Variants in MEF2A observed in about 807,000 individuals in gnomAD.
MEF2A encodes the protein myocyte-specific enhancer factor 2A.
In MEF2A, 28 loss-of-function variants were observed where a neutral mutation model predicts 55.8. The observed-to-expected ratio is 0.50, with a 90% CI of 0.37 to 0.69. MEF2A has a LOEUF of 0.69. Among genes scored for constraint, MEF2A ranks in the 30% least tolerant of loss-of-function variants. The pLI is 0.00. For missense variants in MEF2A, 528 were observed against 626.2 expected (o/e 0.84, Z 1.67); for synonymous variants, 239 against 227.1 (o/e 1.05, Z -0.47).
intron 3 of MEF2A, among the ~76,000 whole-genome samples, chr15:99,640,712 C>A (rs2044736211): frequency 6.6e-6 from 1 of 151,886 alleles, no homozygotes; most frequent in Admixed American, 6.6e-5. Context: ...CCATGCCTGG[C>A]TAATTTTTGT....
chr15:99,706,842 T>G lies in MEF2A; in HGVS notation c.996T>G (p.Thr332=). 1 of 1,614,004 alleles carries G rather than the reference T, an allele frequency of 6.2e-7. No individual in the cohort carries two copies. The highest frequency in any genetic ancestry group is 1.7e-5 in the Admixed American group (1 of 60,034). The change falls in exon 10 of 12, where the codon ACT becomes ACG. Residue 332 remains threonine (T), a synonymous_variant. Coordinates refer to ENST00000557942, the MANE Select transcript of MEF2A (RefSeq NM_001319206.4). ...GACTTGTGTACTCAGCAATGCCGACTGCCTACAACACTGGTGAGCCTGCTC... is the reference window on the plus strand; with the variant it reads ...GACTTGTGTACTCAGCAATGCCGACGGCCTACAACACTGGTGAGCCTGCTC... The part of the protein sequence containing the change: ...PQGLVYSAMP[T]AYNTDYSLTS...
intron 2 of MEF2A, among the ~76,000 whole-genome samples, chr15:99,630,267 C>T (rs1289076346): frequency 6.6e-6 from 1 of 151,808 alleles, no homozygotes; most frequent in African/African-American, 2.4e-5. Context: ...TGTAATTTCT[C>T]ATTCTTTTCT....
At chr15:99,615,483 A>C (rs1770921198) in intron 2 of MEF2A, among the ~76,000 whole-genome samples, 1 of 152,236 alleles carries the variant, frequency 6.6e-6, no homozygotes, top group Non-Finnish European at 1.5e-5. Context: ...GCACATGTGC[A>C]GATTACTAGG....
intron 3 of MEF2A, among the ~76,000 whole-genome samples, chr15:99,644,919 G>A (rs1430693183): frequency 1.3e-5 from 2 of 152,090 alleles, no homozygotes; most frequent in Non-Finnish European, 2.9e-5. Flanking sequence ...AAGTAGTGTC[G>A]AAGAGAGAAT....
At chr15:99,645,211 A>T (rs1030348700) in intron 3 of MEF2A, among the ~76,000 whole-genome samples, 1 of 152,174 alleles carries the variant, frequency 6.6e-6, no homozygotes, top group African/African-American at 2.4e-5. Flanking sequence ...CTGATGCTAC[A>T]TTACCTGGCT....
At chr15:99,627,577 A>G (rs1392845195) in intron 2 of MEF2A, among the ~76,000 whole-genome samples, 7 of 152,154 alleles carry the variant, frequency 4.6e-5, no homozygotes, top group Non-Finnish European at 2.9e-5. Flanking sequence ...TCAGTAGTCT[A>G]ACAAACTGGT....
chr15:99,709,270 C>G (rs145956159), intron 10 of MEF2A, among the ~76,000 whole-genome samples: 1 of 152,238 alleles, frequency 6.6e-6, no homozygotes, highest in African/African-American at 2.4e-5. Context: ...AGGATAACAC[C>G]CATGGGCTTC....
chr15:99,597,671 G>A (rs1276579066), intron 1 of MEF2A, among the ~76,000 whole-genome samples: 1 of 152,040 alleles, frequency 6.6e-6, no homozygotes, highest in Non-Finnish European at 1.5e-5. Flanking sequence ...TGTGGCTTGG[G>A]GGGCATCACG....
chr15:99,595,406 A>G (rs1289043665), intron 1 of MEF2A, among the ~76,000 whole-genome samples: 1 of 151,820 alleles, frequency 6.6e-6, no homozygotes, highest in Non-Finnish European at 1.5e-5. Flanking sequence ...CCACCAACCT[A>G]CCACCTATAT....
At chr15:99,706,521 C>T (rs2058057688) in intron 9 of MEF2A, 2 of 541,852 alleles carry the variant, frequency 3.7e-6, no homozygotes, top group South Asian at 2.2e-5. Context: ...CACTAATCAA[C>T]TATTTTAAAA....
At chr15:99,680,208 C>G (rs762177242) in intron 7 of MEF2A, among the ~76,000 whole-genome samples, 1 of 152,116 alleles carries the variant, frequency 6.6e-6, no homozygotes, top group East Asian at 1.9e-4. Flanking sequence ...AAAATCCAAG[C>G]AACAGATAGG....
At chr15:99,693,513 A>G (rs1053322210) in intron 8 of MEF2A, among the ~76,000 whole-genome samples, 19 of 152,206 alleles carry the variant, frequency 1.2e-4, no homozygotes, top group Non-Finnish European at 2.5e-4. Flanking sequence ...TTAGAGATAC[A>G]TTACAGAAAA....
At chr15:99,579,951 A>G (rs1315960780) in intron 1 of MEF2A, among the ~76,000 whole-genome samples, 1 of 152,094 alleles carries the variant, frequency 6.6e-6, no homozygotes, top group Non-Finnish European at 1.5e-5. Flanking sequence ...GCCTGCTGCC[A>G]GAAGCTGTGT....
Position 99,602,623 on chromosome 15 carries a change from C to T in MEF2A, c.-143+4112C>T, listed in dbSNP as rs112108030. ...AGAGACAGTTTAACAACTGCCTGAC[C>T]GTCACCTGGTGGTTGCCTGACATTC... On this transcript the variant is annotated intron_variant, in intron 2 of 11. Transcript: ENST00000557942. Among the ~76,000 whole-genome samples, 829 of 146,286 alleles carry T rather than the reference C, an allele frequency of 5.7e-3. 6 individuals are homozygous for T. The highest frequency in any genetic ancestry group is 9.8e-3 in the Non-Finnish European group (655 of 66,960).
In MEF2A at chr15:99,714,385, A is replaced by C. The variant is rs1323238480; in HGVS notation, c.*1614A>C. The C allele has an allele frequency of 6.6e-6, 1 of 152,244 alleles. No individual in the cohort carries two copies. Among genetic ancestry groups the C allele is most frequent in the Non-Finnish European group, 1.5e-5 (1 of 68,040 alleles). 9.4% of individuals were successfully genotyped at this position (152,244 alleles called of 1,614,324 possible). On this transcript the variant is annotated 3_prime_UTR_variant, in exon 12 of 12. Transcript: ENST00000557942. ...GGTAAATGATTAGGGGAAAATAATC[A>C]TGGGGAAAGGGATCTTTTTTCCTTG... is the stretch of plus-strand genomic sequence containing the variant.
rs574565894 is a variant in MEF2A at position 99,573,438 on chromosome 15, T to C, written c.-225+7334T>C. Among the ~76,000 whole-genome samples, 3 of 152,330 alleles carry C rather than the reference T, an allele frequency of 2.0e-5. No individual in the cohort carries two copies. The South Asian group carries it at 6.2e-4, about 32-fold the overall frequency. ...TTTTCTATTAACATACGGTCATTAT[T>C]CTAAGGGCAGGAATTTGAGAGCTGT... is the stretch of plus-strand genomic sequence containing the variant. On this transcript the variant is annotated intron_variant, in intron 1 of 11. Coordinates refer to ENST00000557942, the MANE Select transcript of MEF2A (RefSeq NM_001319206.4).
chr15:99,603,310 A>G lies in MEF2A; in HGVS notation c.-143+4799A>G, dbSNP rs746216592. On this transcript the variant is annotated intron_variant, in intron 2 of 11. Transcript: ENST00000557942. ...TCCAAGAACATACTTTGTGTGATGTAAGTTCTTGTCAACTTGTGGAGATTT... is the reference window on the plus strand; with the variant it reads ...TCCAAGAACATACTTTGTGTGATGTGAGTTCTTGTCAACTTGTGGAGATTT... 6.2e-4 allele frequency among the ~76,000 whole-genome samples: 94 copies of G among 152,090 alleles called. 1 individual carries two copies. Among genetic ancestry groups the G allele is most frequent in the Non-Finnish European group, 1.2e-3 (79 of 67,992 alleles).
intron 4 of MEF2A, among the ~76,000 whole-genome samples, chr15:99,667,260 C>T (rs1002606506): frequency 3.9e-5 from 6 of 152,058 alleles, no homozygotes; most frequent in East Asian, 1.9e-4. Flanking sequence ...CTTGCTCTGT[C>T]GCCCAGGCTG....
At chr15:99,696,669 TCTTAC>T (rs1449703963) in intron 8 of MEF2A, among the ~76,000 whole-genome samples, 2 of 151,748 alleles carry the variant, frequency 1.3e-5, no homozygotes, top group Admixed American at 6.6e-5. Context: ...TAATCTAAGC[TCTTAC>T]CTTAAGAAAC....
Sources: allele counts gnomAD v4.1 joint callset (sites outside exome capture counted in the v4.1 genomes callset), GRCh38; gene constraint gnomAD v4.1.1; transcripts MANE v1.5; gene names NCBI Gene and HGNC (gene_info 2026-07-23, HGNC 2026-07-21).